The following XRCC4 variants were observed in gnomAD, a reference collection of about 807,000 sequenced individuals.
The protein encoded by XRCC4 is X-ray repair cross complementing 4.
In XRCC4, 28 loss-of-function variants were observed where a neutral mutation model predicts 39.1. The observed-to-expected ratio is 0.72, with a 90% confidence interval of 0.53 to 0.98. The LOEUF (loss-of-function observed/expected upper bound fraction) is 0.98. XRCC4 is among the 50% of genes least tolerant of loss of function. The pLI, the probability that XRCC4 is intolerant of heterozygous loss-of-function variation, is 0.00. For synonymous variants in XRCC4, 123 were observed against 126.4 expected, an observed-to-expected ratio of 0.97 and a Z score of 0.18; for missense variants, 350 against 376.4, an observed-to-expected ratio of 0.93 and a Z score of 0.58.
At chr5:83,253,335 ATGGT>A (rs987582751) in intron 6 of XRCC4, among the ~76,000 whole-genome samples, 1 of 152,116 alleles carries the variant, frequency 6.6e-6, no homozygotes, top group Non-Finnish European at 1.5e-5. Flanking sequence ...GAAACCACTC[ATGGT>A]TGGTTGGTTG....
chr5:83,302,055 C>T (rs1755303848), intron 7 of XRCC4, among the ~76,000 whole-genome samples: 1 of 152,120 alleles, frequency 6.6e-6, no homozygotes, highest in African/African-American at 2.4e-5. Context: ...AGATGCCCCT[C>T]CCCCTACTAA....
intron 7 of XRCC4, among the ~76,000 whole-genome samples, chr5:83,285,132 T>C (rs1444107447): frequency 6.6e-6 from 1 of 152,160 alleles, no homozygotes; most frequent in Non-Finnish European, 1.5e-5. Flanking sequence ...TACCCTAGAA[T>C]TGTTTACAGC....
At chr5:83,123,673 CTTG>C (rs1318416552) in intron 3 of XRCC4, among the ~76,000 whole-genome samples, 3 of 151,770 alleles carry the variant, frequency 2.0e-5, no homozygotes, top group African/African-American at 7.3e-5. Context: ...TTTTAGTTAT[CTTG>C]TTATCTATAA....
intron 1 of XRCC4, among the ~76,000 whole-genome samples, chr5:83,086,678 G>T (rs1253628524): frequency 6.6e-6 from 1 of 152,096 alleles, no homozygotes; most frequent in African/African-American, 2.4e-5. Context: ...AACTTTTATT[G>T]AGAAACTTTA....
At chr5:83,108,854 C>CT (rs370868182) in intron 2 of XRCC4, among the ~76,000 whole-genome samples, 20,268 of 143,232 alleles carry the variant, frequency 0.14, 2,571 homozygotes, top group African/African-American at 0.34. Context: ...TTATCTTCTT[C>CT]TTTTTTTTTT....
At chr5:83,307,758 T>C (rs1404784447) in intron 7 of XRCC4, among the ~76,000 whole-genome samples, 2 of 152,050 alleles carry the variant, frequency 1.3e-5, no homozygotes, top group African/African-American at 4.8e-5. Flanking sequence ...ACTGGGAAGG[T>C]TGAGAGAGAG....
chr5:83,192,319 A>ATATATAT (rs3069585), intron 3 of XRCC4, among the ~76,000 whole-genome samples: 1 of 143,500 alleles, frequency 7.0e-6, no homozygotes, highest in African/African-American at 2.6e-5. Flanking sequence ...ATATATATAT[A>ATATATAT]TTTTTTTGAG....
intron 7 of XRCC4, among the ~76,000 whole-genome samples, chr5:83,336,953 T>C (rs1580526429): frequency 6.6e-6 from 1 of 152,208 alleles, no homozygotes; most frequent in South Asian, 2.1e-4. Context: ...AGCCAACTAC[T>C]GACCAGCTAT....
chr5:83,359,035 A>G, the XRCC4 span, among the ~76,000 whole-genome samples: 1 of 152,158 alleles, frequency 6.6e-6, no homozygotes, highest in Admixed American at 6.5e-5. Context: ...AAAAGCCTTT[A>G]TCCATCACTT....
At chr5:83,341,341 T>C (rs1756753030) in intron 7 of XRCC4, among the ~76,000 whole-genome samples, 1 of 152,076 alleles carries the variant, frequency 6.6e-6, no homozygotes, top group Non-Finnish European at 1.5e-5. Context: ...CATACACACA[T>C]ATATACATGC....
intron 3 of XRCC4, among the ~76,000 whole-genome samples, chr5:83,127,363 G>C (rs1036766464): frequency 1.3e-5 from 2 of 151,924 alleles, no homozygotes; most frequent in African/African-American, 4.8e-5. Flanking sequence ...TGAATTATGG[G>C]GGCAGTTTCC....
intron 7 of XRCC4, among the ~76,000 whole-genome samples, chr5:83,324,362 G>A (rs1756177086): frequency 6.6e-6 from 1 of 152,072 alleles, no homozygotes; most frequent in African/African-American, 2.4e-5. Flanking sequence ...CAGTCATGGG[G>A]TTTTTAACTC....
At chr5:83,079,765 C>T (rs543051177) in intron 1 of XRCC4, among the ~76,000 whole-genome samples, 1 of 152,186 alleles carries the variant, frequency 6.6e-6, no homozygotes, top group African/African-American at 2.4e-5. Flanking sequence ...AACTCCTGGG[C>T]TCAAGTGATC....
At chr5:83,259,626 T>TA (rs1753680526) in intron 7 of XRCC4, among the ~76,000 whole-genome samples, 1 of 152,126 alleles carries the variant, frequency 6.6e-6, no homozygotes, top group Non-Finnish European at 1.5e-5. Context: ...TTGAAAAGTA[T>TA]AAAACAATGC....
chr5:83,320,219 AG>A (rs1330808412), intron 7 of XRCC4, among the ~76,000 whole-genome samples: 1 of 93,456 alleles, frequency 1.1e-5, no homozygotes, highest in Non-Finnish European at 2.0e-5. Context: ...GGGTCGGGGG[AG>A]GGGGGAGGGA....
intron 6 of XRCC4, among the ~76,000 whole-genome samples, chr5:83,209,480 A>G (rs72767194): frequency 6.6e-6 from 1 of 152,074 alleles, no homozygotes; most frequent in Non-Finnish European, 1.5e-5. Context: ...ATTTTAAAAT[A>G]TATATGAATA....
At chr5:83,301,780 A>G (rs1318066809) in intron 7 of XRCC4, among the ~76,000 whole-genome samples, 2 of 152,162 alleles carry the variant, frequency 1.3e-5, no homozygotes, top group Non-Finnish European at 2.9e-5. Context: ...GTCCAGTTTC[A>G]GTTTTCTGAA....
Position 83,187,938 on chromosome 5 carries a change from A to G in XRCC4, c.316-7832A>G, listed in dbSNP as rs185106199. On this transcript the variant is annotated intron_variant, in intron 3 of 7. Coordinates refer to ENST00000396027, the MANE Select transcript of XRCC4 (RefSeq NM_003401.5). Reference sequence around the variant, plus strand: ...CAGACAATAGATACATTTTGGGAGAAGTTTTGCAATGACAGGAGCAGAAAA... The same window carrying G: ...CAGACAATAGATACATTTTGGGAGAGGTTTTGCAATGACAGGAGCAGAAAA... Among the ~76,000 whole-genome samples, 130 of 152,294 alleles carry G rather than the reference A, an allele frequency of 8.5e-4. No homozygotes were observed. The Middle Eastern group carries it at 0.01, about 12-fold the overall frequency.
At chr5:83,327,828 C>G (rs1425414072) in intron 7 of XRCC4, among the ~76,000 whole-genome samples, 8 of 152,052 alleles carry the variant, frequency 5.3e-5, no homozygotes, top group Admixed American at 1.3e-4. Flanking sequence ...ATACAACACA[C>G]AAACACAAGA....
Sources: allele counts gnomAD v4.1 joint callset (sites outside exome capture counted in the v4.1 genomes callset), GRCh38; gene constraint gnomAD v4.1.1; transcripts MANE v1.5; gene names NCBI Gene and HGNC (gene_info 2026-07-23, HGNC 2026-07-21).